Variants in FAM149A observed in about 807,000 individuals in gnomAD.
FAM149A encodes the protein protein FAM149A.
A neutral mutation model predicts 78.2 loss-of-function variants in FAM149A; 71 were observed. The observed-to-expected ratio is 0.91, with a 90% CI of 0.75 to 1.11. The LOEUF (loss-of-function observed/expected upper bound fraction) is 1.11, where lower values mean the gene tolerates loss of function less well. Among genes scored for constraint, FAM149A ranks in the 50% least tolerant of loss-of-function variants. The probability of loss-of-function intolerance (pLI) is 0.00; values close to 1 mark genes in which losing one functional copy is unlikely to be tolerated. For synonymous variants in FAM149A, 446 were observed against 410.5 expected (o/e 1.09, Z -1.04); for missense variants, 1,036 against 971.0 (o/e 1.07, Z -0.89).
intron 3 of FAM149A, among the ~76,000 whole-genome samples, chr4:186,150,592 T>TTG (rs1733473877): frequency 1.1e-5 from 1 of 90,374 alleles, no homozygotes; most frequent in Admixed American, 1.2e-4. Context: ...GCTAATTTTT[T>TTG]GTATTTTTAA....
intron 11 of FAM149A, among the ~76,000 whole-genome samples, 198 bp downstream of exon 11, chr4:186,165,662 C>T (rs990341536): frequency 1.3e-5 from 2 of 152,118 alleles, no homozygotes; most frequent in African/African-American, 4.8e-5. Flanking sequence ...CTTAATTCAC[C>T]GTTTTGTGAA....
Position 186,150,491 on chromosome 4 carries a change from C to T in FAM149A, c.789+787C>T, listed in dbSNP as rs866192618. 2.2e-4 allele frequency among the ~76,000 whole-genome samples: 29 copies of T among 129,834 alleles called. 1 individual carries two copies. The Middle Eastern group carries it at 0.012, about 54-fold the overall frequency. 85.2% of individuals were successfully genotyped at this position (129,834 alleles called of 152,430 possible). ...CTGGAGTGCAGGGGCGCGATCTCGG[C>T]TCACTGCAAGCTCCGCCTCCCGGGT... On this transcript the variant is annotated intron_variant, in intron 3 of 13. Transcript: ENST00000389354.
In FAM149A at chr4:186,150,950, G is replaced by T. The variant is rs915412963; in HGVS notation, c.790-953G>T. ...TTGGCCAGGCTGGTTTCGAACTCCT[G>T]ACGTTGTGATCCGCCTGCCTGGGCC... On this transcript the variant is annotated intron_variant, in intron 3 of 13. Coordinates refer to ENST00000389354, the MANE Select transcript of FAM149A (RefSeq NM_001367768.3). 3 of 753,830 alleles carry T rather than the reference G, an allele frequency of 4.0e-6. No individual in the cohort carries two copies. In the African/African-American group the frequency reaches 5.7e-5, roughly 14 times the overall value. The allele number at this position is 753,830 out of a possible 1,614,324, so 46.7% of individuals were successfully genotyped here. A position where few individuals can be genotyped will look rare whatever the true frequency, so the allele number is the denominator to read the frequency against.
At chr4:186,140,740 T>C (rs1339765150) in intron 1 of FAM149A, among the ~76,000 whole-genome samples, 1 of 152,206 alleles carries the variant, frequency 6.6e-6, no homozygotes, top group African/African-American at 2.4e-5. Context: ...TATGTACTTT[T>C]CAATTCTCAA....
In FAM149A at chr4:186,154,228, A is replaced by G. The variant is rs187131352; in HGVS notation, c.1059-240A>G. On this transcript the variant is annotated intron_variant, in intron 5 of 13. Transcript: ENST00000389354. ...GACACAATGCAGTCCTTTCACTGCA[A>G]CCAAAGAGGGTACAAACTCATAGAA... Among the ~76,000 whole-genome samples the G allele has an allele frequency of 1.8e-4, 27 of 152,342 alleles. No homozygotes were observed. The East Asian group carries it at 4.8e-3, about 27-fold the overall frequency.
intron 1 of FAM149A, among the ~76,000 whole-genome samples, chr4:186,129,780 A>C (rs2099319804): frequency 6.6e-6 from 1 of 152,244 alleles, no homozygotes; most frequent in Non-Finnish European, 1.5e-5. Flanking sequence ...ACACCAGTTA[A>C]ATAGAAGAAG....
At chr4:186,141,768 A>G (rs779095093) in intron 1 of FAM149A, among the ~76,000 whole-genome samples, 1 of 152,226 alleles carries the variant, frequency 6.6e-6, no homozygotes, top group East Asian at 1.9e-4. Context: ...ACAAGACGTC[A>G]GATTTAGGGG....
At chr4:186,147,309 T>G (rs971143020) in intron 1 of FAM149A, among the ~76,000 whole-genome samples, 16 of 152,170 alleles carry the variant, frequency 1.1e-4, no homozygotes, top group African/African-American at 3.6e-4. Context: ...ACTTGAGGCC[T>G]GGAGGTCGAG....
intron 1 of FAM149A, among the ~76,000 whole-genome samples, chr4:186,142,664 CA>C (rs1222757807): frequency 6.6e-6 from 1 of 152,192 alleles, no homozygotes; most frequent in Non-Finnish European, 1.5e-5. Flanking sequence ...AGGGACCACT[CA>C]GAGAAGTGTT....
In FAM149A at chr4:186,151,934, A is replaced by G. The variant is rs765417973; in HGVS notation, c.821A>G (p.Gln274Arg). 27 of 1,614,068 alleles carry G rather than the reference A, an allele frequency of 1.7e-5. No homozygotes were observed. Among genetic ancestry groups the G allele is most frequent in the Non-Finnish European group, 2.3e-5 (27 of 1,180,028 alleles). ...GACGAAGCCAGTTCACAGTCAGTGC[A>G]GCGGTTACTCTGGGAGGTGGAGGAA... The change falls in exon 4 of 14, where the codon CAG (glutamine) becomes CGG (arginine). Residue 274 changes from glutamine to arginine, a missense_variant. This residue lies in a region of FAM149A where 716 missense variants were observed against 711.8 expected (regional missense o/e 1.01). Coordinates refer to ENST00000389354, the MANE Select transcript of FAM149A (RefSeq NM_001367768.3).
chr4:186,126,125 C>T (rs1205048849), intron 1 of FAM149A: 4 of 982,858 alleles, frequency 4.1e-6, no homozygotes, highest in Non-Finnish European at 1.2e-6. Context: ...GAAATCCTTT[C>T]ATTAGTATCA....
chr4:186,134,106 T>C (rs1235868839), intron 1 of FAM149A, among the ~76,000 whole-genome samples: 3 of 152,184 alleles, frequency 2.0e-5, no homozygotes, highest in Non-Finnish European at 4.4e-5. Flanking sequence ...GCACGAGGAT[T>C]CCCATTCCTC....
intron 1 of FAM149A, chr4:186,116,337 C>T (rs1715057): frequency 0.21 from 80,461 of 376,624 alleles, 9,324 homozygotes; most frequent in Non-Finnish European, 0.24. Flanking sequence ...GATGGAAATG[C>T]AGAAATCACC....
intron 1 of FAM149A, chr4:186,123,943 T>A (rs959363371): frequency 2.0e-6 from 2 of 984,992 alleles, no homozygotes; most frequent in Non-Finnish European, 2.4e-6. Flanking sequence ...TAAACAAAAT[T>A]CTATTCTAAA....
chr4:186,108,410 CTTTAAAA>C (rs931045316), intron 1 of FAM149A, among the ~76,000 whole-genome samples: 15 of 134,502 alleles, frequency 1.1e-4, no homozygotes, highest in African/African-American at 4.0e-4. Flanking sequence ...CTGTACTTGG[CTTTAAAA>C]AAAAAAAACA....
At chr4:186,156,593 G>A (rs1734046030) in intron 7 of FAM149A, among the ~76,000 whole-genome samples, 1 of 152,050 alleles carries the variant, frequency 6.6e-6, no homozygotes, top group Non-Finnish European at 1.5e-5. Flanking sequence ...AGAATTGCTT[G>A]AACCCAGGAG....
At chr4:186,127,493 G>A (rs1447545819) in intron 1 of FAM149A, 6 of 985,268 alleles carry the variant, frequency 6.1e-6, no homozygotes, top group Non-Finnish European at 7.2e-6. Flanking sequence ...TGGAGTGTGG[G>A]TACCAGGTTC....
chr4:186,160,113 G>GCACA (rs140611135), intron 8 of FAM149A, among the ~76,000 whole-genome samples: 8 of 92,090 alleles, frequency 8.7e-5, no homozygotes, highest in South Asian at 3.8e-4. Flanking sequence ...CACACACCAC[G>GCACA]CACACACACC....
intron 1 of FAM149A, 131 bp from the exon 2 acceptor site, chr4:186,149,042 A>C (rs189110465): frequency 1.1e-5 from 5 of 448,660 alleles, no homozygotes; most frequent in South Asian, 1.1e-4. Context: ...GCGCTCATGC[A>C]CAGGTGGGTT....
Sources: allele counts gnomAD v4.1 joint callset (sites outside exome capture counted in the v4.1 genomes callset), GRCh38; gene constraint gnomAD v4.1.1; regional missense constraint gnomAD v4.1.1; transcripts MANE v1.5; gene names NCBI Gene and HGNC (gene_info 2026-07-23, HGNC 2026-07-21).